The following CLVS1 variants were observed in gnomAD, a reference collection of about 807,000 sequenced individuals.
CLVS1 encodes the protein clavesin 1.
A neutral mutation model predicts 33.1 loss-of-function variants in CLVS1; 10 were observed. That is an observed-to-expected ratio of 0.30 (90% CI 0.19 to 0.51). The LOEUF is 0.51. Ranked by LOEUF, CLVS1 falls within the 20% of genes least tolerant of loss-of-function variation. The pLI is 0.97. For synonymous variants in CLVS1, 163 were observed against 166.1 expected, an observed-to-expected ratio of 0.98 and a Z score of 0.14; for missense variants, 343 against 433.4, an observed-to-expected ratio of 0.79 and a Z score of 1.85.
rs533646659 is a variant in CLVS1, at chr8:61,488,292, A to G, written c.978-11163A>G. 9.2e-5 allele frequency among the ~76,000 whole-genome samples: 14 copies of G among 152,274 alleles called. No homozygotes were observed. In the East Asian group the frequency reaches 2.5e-3, roughly 27 times the overall value. On this transcript the variant is annotated intron_variant, in intron 5 of 5. Transcript: ENST00000325897. ...AAACTCTAAGGCTTCTATACATCTC[A>G]TGCTGATACCTGGGGTTCCTGTAAA...
At chr8:61,219,367 C>T (rs1395175261) in intron 2 of CLVS1, among the ~76,000 whole-genome samples, 2 of 152,062 alleles carry the variant, frequency 1.3e-5, no homozygotes, top group South Asian at 4.1e-4. Context: ...TCTCATTGTT[C>T]AACTCCCACT....
intron 2 of CLVS1, among the ~76,000 whole-genome samples, chr8:61,321,279 A>C (rs1346694045): frequency 6.6e-6 from 1 of 151,988 alleles, no homozygotes; most frequent in East Asian, 1.9e-4. Flanking sequence ...ACAGGCTCTC[A>C]GGCTTTATCC....
intron 1 of CLVS1, among the ~76,000 whole-genome samples, chr8:61,126,342 AC>A (rs1464554361): frequency 6.6e-6 from 1 of 152,234 alleles, no homozygotes; most frequent in African/African-American, 2.4e-5. Flanking sequence ...TGCGTCTGCT[AC>A]CAAATCAAAG....
chr8:61,498,934 A>C (rs536478503), intron 5 of CLVS1, among the ~76,000 whole-genome samples: 1 of 152,312 alleles, frequency 6.6e-6, no homozygotes, highest in Non-Finnish European at 1.5e-5. Context: ...TAAAAGGTAC[A>C]CTAAAACATT....
intron 1 of CLVS1, among the ~76,000 whole-genome samples, chr8:61,074,031 A>T (rs1414672184): frequency 7.0e-6 from 1 of 143,510 alleles, no homozygotes; most frequent in East Asian, 2.1e-4. Context: ...AAAAAAAAAA[A>T]TTATAACTAA....
At chr8:61,395,156 C>T (rs1814471800) in intron 3 of CLVS1, among the ~76,000 whole-genome samples, 2 of 152,020 alleles carry the variant, frequency 1.3e-5, no homozygotes, top group African/African-American at 2.4e-5. Context: ...TCATTCATGA[C>T]AACATGGATG....
chr8:60,991,620 A>T, the CLVS1 span, among the ~76,000 whole-genome samples: 1 of 151,674 alleles, frequency 6.6e-6, no homozygotes, highest in Non-Finnish European at 1.5e-5. Context: ...TTGAGCTCTG[A>T]GCTCCCCAAT....
At chr8:61,437,484 C>G (rs1585973680) in intron 3 of CLVS1, among the ~76,000 whole-genome samples, 1 of 152,170 alleles carries the variant, frequency 6.6e-6, no homozygotes, top group Middle Eastern at 3.4e-3. Context: ...GTATACTTAG[C>G]AATTAGGGGA....
intron 2 of CLVS1, among the ~76,000 whole-genome samples, chr8:61,224,929 C>T (rs192305372): frequency 2.4e-4 from 36 of 152,282 alleles, no homozygotes; most frequent in Middle Eastern, 3.4e-3. Flanking sequence ...AAGTGCACCA[C>T]GAATTCTCTT....
At chr8:61,375,400 G>A (rs1371858942) in intron 2 of CLVS1, among the ~76,000 whole-genome samples, 3 of 151,950 alleles carry the variant, frequency 2.0e-5, no homozygotes, top group Non-Finnish European at 4.4e-5. Flanking sequence ...ACAGGTGCCC[G>A]CCACCACGCC....
chr8:61,330,993 G>T lies in CLVS1; in HGVS notation c.455+30711G>T, dbSNP rs551550923. ...GCTACTCAAGAGGTTGAAGTGGGAG[G>T]ATCACTTGGGCCCAGGAGTTAGAGG... On this transcript the variant is annotated intron_variant, in intron 2 of 5. Coordinates refer to ENST00000325897, the MANE Select transcript of CLVS1 (RefSeq NM_173519.3). Among the ~76,000 whole-genome samples the T allele has an allele frequency of 2.0e-5, 3 of 152,094 alleles. No homozygotes were observed. The East Asian group carries it at 5.8e-4, about 29-fold the overall frequency.
chr8:61,404,136 T>C (rs2129603691), intron 3 of CLVS1, among the ~76,000 whole-genome samples: 1 of 152,272 alleles, frequency 6.6e-6, no homozygotes, highest in East Asian at 1.9e-4. Context: ...GGCCATATTT[T>C]GGGGGACCTT....
chr8:61,084,057 G>A (rs540700491), intron 1 of CLVS1, among the ~76,000 whole-genome samples: 23 of 152,280 alleles, frequency 1.5e-4, no homozygotes, highest in Middle Eastern at 3.4e-3. Context: ...GCTAGAAAAT[G>A]GGGTAAATAA....
intron 1 of CLVS1, among the ~76,000 whole-genome samples, chr8:61,096,516 C>T (rs911035329): frequency 2.0e-5 from 3 of 152,166 alleles, no homozygotes; most frequent in Non-Finnish European, 2.9e-5. Context: ...TCCAGATTCT[C>T]TAAGACTCAT....
At chr8:61,395,812 T>C (rs1171553581) in intron 3 of CLVS1, among the ~76,000 whole-genome samples, 2 of 152,192 alleles carry the variant, frequency 1.3e-5, no homozygotes, top group African/African-American at 4.8e-5. Flanking sequence ...AAGTGTTTTG[T>C]TCAACATTAC....
intron 1 of CLVS1, among the ~76,000 whole-genome samples, chr8:61,096,125 C>T (rs1001025399): frequency 1.3e-5 from 2 of 151,826 alleles, no homozygotes; most frequent in Admixed American, 1.3e-4. Context: ...ATTTTTTTTT[C>T]TAGCAAAGGC....
At chr8:61,227,916 G>A (rs1808362486) in intron 2 of CLVS1, among the ~76,000 whole-genome samples, 1 of 152,204 alleles carries the variant, frequency 6.6e-6, no homozygotes, top group Non-Finnish European at 1.5e-5. Flanking sequence ...GAGCAGCAAG[G>A]AGAAAGAGAG....
intron 2 of CLVS1, chr8:61,131,891 A>G (rs930043918): frequency 6.6e-6 from 1 of 152,212 alleles, no homozygotes; most frequent in African/African-American, 2.4e-5. Flanking sequence ...GTTTTTGAAA[A>G]CTGCATAAAC....
At chr8:61,017,506 G>T in the CLVS1 span, among the ~76,000 whole-genome samples, 12 of 152,354 alleles carry the variant, frequency 7.9e-5, no homozygotes, top group African/African-American at 2.9e-4. Flanking sequence ...AGCACAACAT[G>T]TTTTCTCGTG....
Sources: allele counts gnomAD v4.1 joint callset (sites outside exome capture counted in the v4.1 genomes callset), GRCh38; gene constraint gnomAD v4.1.1; transcripts MANE v1.5; gene names NCBI Gene and HGNC (gene_info 2026-07-23, HGNC 2026-07-21).